The following NPAS3 variants were observed in gnomAD, a reference collection of about 807,000 sequenced individuals.
NPAS3 encodes neuronal PAS domain protein 3.
In NPAS3, 14 loss-of-function variants were observed where a neutral mutation model predicts 73.1. The ratio of observed to expected loss-of-function variants is 0.19; its 90% CI spans 0.13 to 0.30. The LOEUF is 0.30. Ranked by LOEUF, NPAS3 falls within the 10% of genes least tolerant of loss-of-function variation. The probability of loss-of-function intolerance (pLI) is 1.00; values close to 1 mark genes in which losing one functional copy is unlikely to be tolerated. For synonymous variants in NPAS3, 620 were observed against 541.5 expected (o/e 1.14, Z -2.01); for missense variants, 1,096 against 1,250.0 (o/e 0.88, Z 1.86).
Position 33,799,409 on chromosome 14 carries a change from TG to T in NPAS3, c.1427-320del, listed in dbSNP as rs551785716. 1.3e-3 allele frequency among the ~76,000 whole-genome samples: 204 copies of T among 152,298 alleles called. 1 individual carries two copies. The highest frequency in any genetic ancestry group is 4.8e-3 in the African/African-American group (199 of 41,572). On this transcript the variant is annotated intron_variant, in intron 11 of 11. Coordinates refer to ENST00000356141, the Ensembl canonical transcript of NPAS3. ...AACTTGAATGTGCCTGAGAATCACCTGGGGGTCATATTCCAACGCAGAATCT... is the reference window on the plus strand; with the variant it reads ...AACTTGAATGTGCCTGAGAATCACCTGGGGTCATATTCCAACGCAGAATCT...
chr14:33,393,792 AG>A (rs1335978123), intron 4 of NPAS3, among the ~76,000 whole-genome samples: 1 of 152,170 alleles, frequency 6.6e-6, no homozygotes, highest in Admixed American at 6.5e-5. Flanking sequence ...CATAAGGTCA[AG>A]AGTTAACTAC....
At chr14:33,537,608 C>T (rs566620690) in intron 4 of NPAS3, among the ~76,000 whole-genome samples, 1 of 152,154 alleles carries the variant, frequency 6.6e-6, no homozygotes, top group East Asian at 1.9e-4. Context: ...CGAGAGCCAT[C>T]GTGAGTGGTG....
chr14:33,421,774 A>C (rs981381764), intron 4 of NPAS3, among the ~76,000 whole-genome samples: 3 of 151,964 alleles, frequency 2.0e-5, no homozygotes, highest in Non-Finnish European at 1.5e-5. Flanking sequence ...TAATGAATAA[A>C]TTTAGAGAGG....
intron 7 of NPAS3, among the ~76,000 whole-genome samples, chr14:33,771,174 A>G (rs528825456): frequency 6.6e-6 from 1 of 152,332 alleles, no homozygotes; most frequent in East Asian, 1.9e-4. Flanking sequence ...TGTTTCTGAA[A>G]TTTGAACATA....
intron 3 of NPAS3, among the ~76,000 whole-genome samples, chr14:33,241,341 A>C (rs1210476063): frequency 6.6e-6 from 1 of 151,958 alleles, no homozygotes; most frequent in Non-Finnish European, 1.5e-5. Flanking sequence ...CTTGTTTTGC[A>C]GTATTGGCAC....
chr14:33,407,403 T>G (rs2047714824), intron 4 of NPAS3, among the ~76,000 whole-genome samples: 1 of 152,176 alleles, frequency 6.6e-6, no homozygotes, highest in South Asian at 2.1e-4. Flanking sequence ...GATGTGGCAT[T>G]TCCTTCCAAA....
At chr14:33,051,580 C>T (rs2040713331) in intron 1 of NPAS3, among the ~76,000 whole-genome samples, 1 of 152,124 alleles carries the variant, frequency 6.6e-6, no homozygotes, top group Non-Finnish European at 1.5e-5. Context: ...TCCATAAACA[C>T]AGGAAACATG....
intron 6 of NPAS3, among the ~76,000 whole-genome samples, chr14:33,728,464 G>A (rs556199938): frequency 1.3e-5 from 2 of 152,182 alleles, no homozygotes; most frequent in Non-Finnish European, 2.9e-5. Flanking sequence ...TCAGCCCTAA[G>A]GAGATTTAAA....
At chr14:33,030,335 T>C (rs1223484738) in intron 1 of NPAS3, among the ~76,000 whole-genome samples, 1 of 152,224 alleles carries the variant, frequency 6.6e-6, no homozygotes, top group East Asian at 1.9e-4. Flanking sequence ...TATGCAAGTG[T>C]AAGGGTTTCA....
intron 4 of NPAS3, among the ~76,000 whole-genome samples, chr14:33,546,095 A>G (rs574566450): frequency 2.5e-4 from 38 of 152,338 alleles, no homozygotes; most frequent in African/African-American, 7.7e-4. Flanking sequence ...TAGTGAGGCC[A>G]GGAGTCTACC....
At chr14:33,635,398 A>G (rs529859078) in intron 5 of NPAS3, among the ~76,000 whole-genome samples, 1 of 152,318 alleles carries the variant, frequency 6.6e-6, no homozygotes, top group Non-Finnish European at 1.5e-5. Context: ...GCTTAGCTGG[A>G]AAGGAAGAAG....
At chr14:32,986,123 A>C (rs1371188769) in intron 1 of NPAS3, among the ~76,000 whole-genome samples, 1 of 152,174 alleles carries the variant, frequency 6.6e-6, no homozygotes, top group African/African-American at 2.4e-5. Context: ...GATGTGTTGC[A>C]TCATTTTAGA....
intron 1 of NPAS3, among the ~76,000 whole-genome samples, chr14:33,052,125 A>G (rs2040733177): frequency 6.6e-6 from 1 of 152,192 alleles, no homozygotes; most frequent in African/African-American, 2.4e-5. Flanking sequence ...TGAATTTCTC[A>G]TCTAATAGCC....
At chr14:33,716,612 A>C (rs1214697023) in intron 6 of NPAS3, among the ~76,000 whole-genome samples, 2 of 152,144 alleles carry the variant, frequency 1.3e-5, no homozygotes, top group Non-Finnish European at 2.9e-5. Flanking sequence ...GTACCCATTA[A>C]ACAGTAACTT....
At chr14:33,108,300 T>TCTC (rs1316519733) in intron 2 of NPAS3, among the ~76,000 whole-genome samples, 1 of 151,698 alleles carries the variant, frequency 6.6e-6, no homozygotes, top group Non-Finnish European at 1.5e-5. Context: ...TTCAAGTGAT[T>TCTC]CTCCTGCCTC....
chr14:33,307,127 AGT>A (rs1024233533), intron 3 of NPAS3, among the ~76,000 whole-genome samples: 12 of 152,184 alleles, frequency 7.9e-5, no homozygotes, highest in Non-Finnish European at 1.6e-4. Context: ...CCAGCTTGTA[AGT>A]GATTCCTTAA....
At chr14:32,992,389 A>G (rs2038369812) in intron 1 of NPAS3, among the ~76,000 whole-genome samples, 1 of 152,208 alleles carries the variant, frequency 6.6e-6, no homozygotes, top group Non-Finnish European at 1.5e-5. Flanking sequence ...GTTATGGTAG[A>G]AATTTCATAG....
At chr14:33,630,399 G>A (rs1007339004) in intron 5 of NPAS3, among the ~76,000 whole-genome samples, 1 of 152,164 alleles carries the variant, frequency 6.6e-6, no homozygotes, top group African/African-American at 2.4e-5. Flanking sequence ...TCCTAACTTA[G>A]TACAGTTTCA....
chr14:33,569,454 GGGTATCA>G, intron 5 of NPAS3, among the ~76,000 whole-genome samples: 1 of 152,182 alleles, frequency 6.6e-6, no homozygotes. Flanking sequence ...ATATGCATCT[GGGTATCA>G]GGTAAAGAAT....
Sources: gnomAD v4.1 joint callset for allele counts (sites outside exome capture counted in the v4.1 genomes callset) on GRCh38, gnomAD v4.1.1 for gene constraint, MANE v1.5 for transcripts, NCBI Gene and HGNC (gene_info 2026-07-23, HGNC 2026-07-21) for gene names.